ASTN1: variants seen among roughly 807,000 people sequenced by gnomAD.
The protein encoded by ASTN1 is astrotactin-1.
In ASTN1, 41 loss-of-function variants were observed where a neutral mutation model predicts 140.7. The observed-to-expected ratio is 0.29, with a 90% CI of 0.23 to 0.38. The LOEUF is 0.38. Among genes scored for constraint, ASTN1 ranks in the 10% least tolerant of loss-of-function variants. The pLI, the probability that ASTN1 is intolerant of heterozygous loss-of-function variation, is 1.00. For missense variants in ASTN1, 1,479 were observed against 1,678.8 expected, an observed-to-expected ratio of 0.88 and a Z score of 2.08; for synonymous variants, 640 against 652.2, an observed-to-expected ratio of 0.98 and a Z score of 0.29.
At chr1:176,973,793 T>G (rs1673244220) in intron 8 of ASTN1, among the ~76,000 whole-genome samples, 1 of 152,158 alleles carries the variant, frequency 6.6e-6, no homozygotes, top group Non-Finnish European at 1.5e-5. Flanking sequence ...CTTCCAGTAA[T>G]TAGGCATGAA....
chr1:176,886,130 T>C (rs1669022290), intron 18 of ASTN1, among the ~76,000 whole-genome samples: 1 of 152,108 alleles, frequency 6.6e-6, no homozygotes, highest in African/African-American at 2.4e-5. Flanking sequence ...TTCTGAGAAA[T>C]AGAAGTGTAT....
chr1:176,910,022 T>C (rs1372226480), intron 16 of ASTN1, among the ~76,000 whole-genome samples: 2 of 152,196 alleles, frequency 1.3e-5, no homozygotes, highest in Non-Finnish European at 2.9e-5. Context: ...TGCCTCTGCA[T>C]GTATGTTTGT....
chr1:176,894,954 A>C, intron 16 of ASTN1, 124 bp from the exon 17 acceptor site: 1 of 1,338,520 alleles, frequency 7.5e-7, no homozygotes, highest in African/African-American at 1.4e-5. Flanking sequence ...AAGGGGTAAG[A>C]ATGTGATTCT....
intron 2 of ASTN1, among the ~76,000 whole-genome samples, chr1:177,036,512 T>C (rs1302213640): frequency 1.3e-5 from 2 of 152,200 alleles, no homozygotes; most frequent in African/African-American, 4.8e-5. Flanking sequence ...TGCAATGGCT[T>C]ACTAATTGTG....
chr1:177,086,910 T>C (rs1679498212), intron 1 of ASTN1, among the ~76,000 whole-genome samples: 1 of 152,244 alleles, frequency 6.6e-6, no homozygotes, highest in Non-Finnish European at 1.5e-5. Context: ...ATAACTAATA[T>C]GCATACTTTG....
At position 176,971,483 on chromosome 1, in the gene ASTN1, G is replaced by A. The variant is rs112343130; in HGVS notation, c.1524-6246C>T. Reference sequence around the variant, plus strand: ...ATAGGGCCTTGAGGCCTTTGCAGATGTTGTTTCTCTACCTGGAATACCACC... The same window carrying A: ...ATAGGGCCTTGAGGCCTTTGCAGATATTGTTTCTCTACCTGGAATACCACC... On this transcript the variant is annotated intron_variant, in intron 8 of 22. Coordinates refer to ENST00000361833, the MANE Select transcript of ASTN1 (RefSeq NM_004319.3). Among the ~76,000 whole-genome samples, 260 of 152,268 alleles carry A rather than the reference G, an allele frequency of 1.7e-3. 1 individual carries two copies. The Middle Eastern group carries it at 0.034, about 20-fold the overall frequency.
chr1:176,954,046 C>A (rs992487239), intron 11 of ASTN1, among the ~76,000 whole-genome samples: 2 of 152,174 alleles, frequency 1.3e-5, no homozygotes, highest in Non-Finnish European at 2.9e-5. Flanking sequence ...CTGGCTAAAG[C>A]TCAGAGCAGG....
At chr1:177,089,255 C>T (rs182813295) in intron 1 of ASTN1, among the ~76,000 whole-genome samples, 2 of 152,228 alleles carry the variant, frequency 1.3e-5, no homozygotes, top group East Asian at 1.9e-4. Context: ...AAGGAGCTCA[C>T]GATAGAGGGT....
At position 176,864,034 on chromosome 1, in the gene ASTN1, C is replaced by A; in HGVS notation, c.*250G>T. 1 of 1,294,338 alleles carries A rather than the reference C, an allele frequency of 7.7e-7. No homozygotes were observed. Among genetic ancestry groups the A allele is most frequent in the Non-Finnish European group, 9.8e-7 (1 of 1,019,216 alleles). The allele number at this position is 1,294,338 out of a possible 1,614,324, so 80.2% of individuals were successfully genotyped here. On this transcript the variant is annotated 3_prime_UTR_variant, in exon 23 of 23. Transcript: ENST00000361833. ...GAACAAATTAATGGCAAAGCAAACC[C>A]CAAAGTAATCCTCTAAAGAAATATG...
chr1:177,155,216 G>A (rs191935572), intron 1 of ASTN1, among the ~76,000 whole-genome samples: 20 of 152,290 alleles, frequency 1.3e-4, no homozygotes, highest in African/African-American at 4.8e-4. Flanking sequence ...AGGCATGGAG[G>A]ATTAAATAGA....
At chr1:177,112,121 G>A (rs1680850252) in intron 1 of ASTN1, among the ~76,000 whole-genome samples, 1 of 152,198 alleles carries the variant, frequency 6.6e-6, no homozygotes, top group South Asian at 2.1e-4. Flanking sequence ...CTGGGTTCCA[G>A]GCTGGCTGCC....
rs1676383172 is a variant in ASTN1 at position 177,030,655 on chromosome 1, G to C, written c.1012+151C>G. The stretch of plus-strand genomic sequence containing the variant: ...AAGGTTTGCACATTTACATTTTTTT[G>C]GTAAGTAGCATTTAACTGGCCTCCA... On this transcript the variant is annotated intron_variant, in intron 4 of 22. Coordinates refer to ENST00000361833, the MANE Select transcript of ASTN1 (RefSeq NM_004319.3). 7.9e-6 allele frequency: 8 copies of C among 1,013,620 alleles called. No individual in the cohort carries two copies. The South Asian group carries it at 9.7e-5, about 12-fold the overall frequency. The allele number at this position is 1,013,620 out of a possible 1,614,324, so 62.8% of individuals were successfully genotyped here. A position where few individuals can be genotyped will look rare whatever the true frequency, so the allele number is the denominator to read the frequency against.
chr1:177,004,503 C>T (rs1674900464), intron 8 of ASTN1, among the ~76,000 whole-genome samples: 1 of 151,876 alleles, frequency 6.6e-6, no homozygotes, highest in Non-Finnish European at 1.5e-5. Context: ...ACAACAACAA[C>T]AAAAGCCCGA....
At chr1:177,056,734 A>C (rs1308807929) in intron 2 of ASTN1, among the ~76,000 whole-genome samples, 1 of 152,200 alleles carries the variant, frequency 6.6e-6, no homozygotes, top group East Asian at 1.9e-4. Flanking sequence ...TCTACTGTGC[A>C]CCATTAAACT....
At chr1:176,942,929 A>G (rs1248208868) in intron 14 of ASTN1, among the ~76,000 whole-genome samples, 1 of 144,034 alleles carries the variant, frequency 6.9e-6, no homozygotes, top group Non-Finnish European at 1.5e-5. Context: ...CACCTTGGGC[A>G]CATTGTTGTC....
intron 2 of ASTN1, among the ~76,000 whole-genome samples, chr1:177,037,530 A>G (rs768507472): frequency 5.3e-5 from 8 of 152,228 alleles, no homozygotes; most frequent in Non-Finnish European, 1.0e-4. Context: ...TTCAGAAAGT[A>G]TTCTTCATTT....
Position 177,117,290 on chromosome 1 carries a change from C to T in ASTN1, c.283+47104G>A, listed in dbSNP as rs115117901. On this transcript the variant is annotated intron_variant, in intron 1 of 22. Transcript: ENST00000361833. The stretch of plus-strand genomic sequence containing the variant: ...TCTGTTCCATTCTCAGAGTCACTCC[C>T]GGCTTCACTCCCACAGGTATTCTTT... 3.7e-3 allele frequency among the ~76,000 whole-genome samples: 560 copies of T among 152,242 alleles called. 3 individuals carry two copies. Among genetic ancestry groups the T allele is most frequent in the African/African-American group, 0.012 (494 of 41,552 alleles).
Position 177,057,563 on chromosome 1 carries a change from ATAGT to A in ASTN1, c.471+3511_471+3514del, listed in dbSNP as rs565067049. Among the ~76,000 whole-genome samples, 20 of 152,350 alleles carry A rather than the reference ATAGT, an allele frequency of 1.3e-4. No homozygotes were observed. In the East Asian group the frequency reaches 3.3e-3, roughly 25 times the overall value. On this transcript the variant is annotated intron_variant, in intron 2 of 22. Coordinates refer to ENST00000361833, the MANE Select transcript of ASTN1 (RefSeq NM_004319.3). Reference sequence around the variant, plus strand: ...TAATTCCCTCTTGCACATATTGGAAATAGTTAGGATTATTAGTTAAGCTTTTAAT... The same window carrying A: ...TAATTCCCTCTTGCACATATTGGAAATAGGATTATTAGTTAAGCTTTTAAT...
intron 8 of ASTN1, among the ~76,000 whole-genome samples, chr1:176,983,482 A>G (rs1673728613): frequency 6.6e-6 from 1 of 151,992 alleles, no homozygotes; most frequent in Non-Finnish European, 1.5e-5. Flanking sequence ...TTATGGACAT[A>G]TTTTCCCCAA....
Sources: gnomAD v4.1 joint callset for allele counts (sites outside exome capture counted in the v4.1 genomes callset) on GRCh38, gnomAD v4.1.1 for gene constraint, MANE v1.5 for transcripts, NCBI Gene and HGNC (gene_info 2026-07-23, HGNC 2026-07-21) for gene names.